Variants in PPP2R1B observed in about 807,000 individuals in gnomAD.
PPP2R1B encodes the protein protein phosphatase 2 scaffold subunit Abeta.
A neutral mutation model predicts 72.7 loss-of-function variants in PPP2R1B; 58 were observed. The observed-to-expected ratio is 0.80, with a 90% CI of 0.65 to 0.99. PPP2R1B has a LOEUF of 0.99. Among genes scored for constraint, PPP2R1B ranks in the 50% least tolerant of loss-of-function variants. The pLI, the probability that PPP2R1B is intolerant of heterozygous loss-of-function variation, is 0.00. For missense variants in PPP2R1B, 695 were observed against 733.6 expected (o/e 0.95, Z 0.61); for synonymous variants, 256 against 264.6 (o/e 0.97, Z 0.32).
intron 14 of PPP2R1B, among the ~76,000 whole-genome samples, 174 bp from the exon 15 acceptor site, chr11:111,741,786 AT>A (rs375501680): frequency 3.3e-5 from 5 of 152,254 alleles, no homozygotes; most frequent in Non-Finnish European, 7.3e-5. Context: ...AACTGGTTAA[AT>A]TCCAAACGAA....
chr11:111,742,710 T>G (rs1158409133), intron 12 of PPP2R1B, 45 bp from the exon 13 acceptor site: 1 of 1,485,378 alleles, frequency 6.7e-7, no homozygotes, highest in Admixed American at 2.3e-5. Flanking sequence ...CTTTAAAAAA[T>G]TCCAAAATCT....
At chr11:111,727,972 G>A (rs1944031385) in intron 15 of PPP2R1B, 1 of 152,150 alleles carries the variant, frequency 6.6e-6, no homozygotes, top group Non-Finnish European at 1.5e-5. Flanking sequence ...TCACATTTAA[G>A]CTCCCTATTG....
intron 5 of PPP2R1B, among the ~76,000 whole-genome samples, chr11:111,758,420 T>A (rs1945203302): frequency 6.6e-6 from 1 of 152,052 alleles, no homozygotes. Flanking sequence ...TGAAACCCCG[T>A]CTCTACTAAA....
At chr11:111,689,984 G>GTATA in the PPP2R1B span, among the ~76,000 whole-genome samples, 1 of 148,660 alleles carries the variant, frequency 6.7e-6, no homozygotes, top group African/African-American at 2.5e-5. Flanking sequence ...GTGTGTATGT[G>GTATA]TATATATATA....
intron 5 of PPP2R1B, 108 bp from the exon 6 acceptor site, chr11:111,755,558 C>T: frequency 2.0e-6 from 2 of 975,914 alleles, no homozygotes; most frequent in South Asian, 2.1e-5. Context: ...GACTGCCACA[C>T]CTTATATAGT....
At chr11:111,755,540 A>C (rs1591701818) in intron 5 of PPP2R1B, 90 bp from the exon 6 acceptor site, 4 of 1,147,348 alleles carry the variant, frequency 3.5e-6, no homozygotes, top group Non-Finnish European at 4.7e-6. Context: ...AAAAATTAAC[A>C]CCACCAAGAC....
At chr11:111,742,397 T>A in intron 13 of PPP2R1B, 126 bp downstream of exon 13, 1 of 1,129,206 alleles carries the variant, frequency 8.9e-7, no homozygotes, top group Non-Finnish European at 1.2e-6. Flanking sequence ...TAAATTATTT[T>A]CTTTAAGCAA....
chr11:111,758,542 A>T (rs1555050368), intron 5 of PPP2R1B, among the ~76,000 whole-genome samples: 1 of 152,180 alleles, frequency 6.6e-6, no homozygotes, highest in Non-Finnish European at 1.5e-5. Flanking sequence ...GAAAGCCGAG[A>T]TTGCACCACT....
exon 16 of PPP2R1B, chr11:111,726,989 C>T (rs1286815779): frequency 6.2e-7 from 1 of 1,614,054 alleles, no homozygotes. Context: ...GGGAGAAATG[C>T]ACTAGCTCTG....
At position 111,755,367 on chromosome 11, in the gene PPP2R1B, C is replaced by A. The variant is rs782249075; in HGVS notation, c.771G>T (p.Met257Ile). Residue 257 changes from methionine (M) to isoleucine (I), a missense_variant, in exon 6 of 15, where the codon ATG becomes ATT. Physicochemically the swap from Met to Ile is conservative, Grantham distance 10. Coordinates refer to ENST00000527614, the MANE Select transcript of PPP2R1B (RefSeq NM_002716.5). Reference sequence around the variant, plus strand: ...CTTCTGCTGCTTGTCGAAGTGTAGGCATCACCAAAGTCTCAAGGTCATCCT... The same window carrying A: ...CTTCTGCTGCTTGTCGAAGTGTAGGAATCACCAAAGTCTCAAGGTCATCCT... ...LSQDDLETLV[M>I]PTLRQAAEDK... The A allele has an allele frequency of 2.5e-6, 4 of 1,613,870 alleles. No individual in the cohort carries two copies. In the Admixed American group the frequency reaches 6.7e-5, roughly 27 times the overall value.
chr11:111,697,677 C>T, the PPP2R1B span, among the ~76,000 whole-genome samples: 1 of 152,064 alleles, frequency 6.6e-6, no homozygotes, highest in Non-Finnish European at 1.5e-5. Context: ...TCTTCCTTAA[C>T]CCATTCTTCA....
At chr11:111,751,753 G>C (rs1944915252) in intron 10 of PPP2R1B, among the ~76,000 whole-genome samples, 1 of 152,198 alleles carries the variant, frequency 6.6e-6, no homozygotes, top group Non-Finnish European at 1.5e-5. Context: ...TGAGGCGGGT[G>C]AATCACCTGA....
Position 111,754,540 on chromosome 11 carries a change from T to C in PPP2R1B, c.988A>G (p.Arg330Gly), listed in dbSNP as rs782527776. 11 of 1,604,670 alleles carry C rather than the reference T, an allele frequency of 6.9e-6. No individual in the cohort carries two copies. The East Asian group carries it at 1.8e-4, about 26-fold the overall frequency. The stretch of plus-strand genomic sequence containing the variant: ...ATTTGATTCATAATTATGGTCTCTC[T>C]ATCTTCAATGGGCAAGTTCTCACCA... ...ELGENLPIED[R>G]ETIIMNQILP... The change falls in exon 8 of 15, where the codon AGA becomes GGA. Residue 330 changes from arginine (R) to glycine (G), a missense_variant. By Grantham distance (125) the Arg-to-Gly change is moderately radical. Coordinates refer to ENST00000527614, the MANE Select transcript of PPP2R1B (RefSeq NM_002716.5).
chr11:111,765,677 T>C, intron 1 of PPP2R1B: 2 of 509,590 alleles, frequency 3.9e-6, no homozygotes, highest in South Asian at 3.2e-5. Flanking sequence ...AGAGAGCACT[T>C]TGGCAGTGGT....
downstream of PPP2R1B, chr11:111,737,414 G>A: frequency 3.7e-6 from 6 of 1,614,046 alleles, no homozygotes; most frequent in South Asian, 1.1e-5. Flanking sequence ...CAGCCCTGAG[G>A]GCAGGACTTG....
At position 111,755,113 on chromosome 11, in the gene PPP2R1B, G is replaced by C. The variant is rs781850105; in HGVS notation, c.844-19C>G. On this transcript the variant is annotated intron_variant, in intron 6 of 14. Coordinates refer to ENST00000527614, the MANE Select transcript of PPP2R1B (RefSeq NM_002716.5). ...TCTGGAGCTATAAAAGAATTTGAAC[G>C]GGTTTTAATGTATACTAACAAAAGA... 3.8e-6 allele frequency: 6 copies of C among 1,581,546 alleles called. No homozygotes were observed. The East Asian group carries it at 1.1e-4, about 30-fold the overall frequency.
chr11:111,719,795 C>T, the PPP2R1B span: 1 of 1,613,984 alleles, frequency 6.2e-7, no homozygotes, highest in Non-Finnish European at 8.5e-7. Context: ...GTCTGCTTGA[C>T]CCTGTGCCTC....
downstream of PPP2R1B, among the ~76,000 whole-genome samples, chr11:111,736,737 T>A (rs2136025475): frequency 6.6e-6 from 1 of 152,360 alleles, no homozygotes; most frequent in Admixed American, 6.5e-5. Flanking sequence ...AAAGGCAGCC[T>A]TTTTGATGTT....
chr11:111,712,959 G>T, the PPP2R1B span, among the ~76,000 whole-genome samples: 1 of 152,158 alleles, frequency 6.6e-6, no homozygotes, highest in Admixed American at 6.5e-5. Flanking sequence ...GAGCTCAGGA[G>T]TTCCAGACCA....
Sources: allele counts gnomAD v4.1 joint callset (sites outside exome capture counted in the v4.1 genomes callset), GRCh38; gene constraint gnomAD v4.1.1; transcripts MANE v1.5; gene names NCBI Gene and HGNC (gene_info 2026-07-23, HGNC 2026-07-21).